The following SCN8A variants were observed in gnomAD, a reference collection of about 807,000 sequenced individuals.
The protein encoded by SCN8A is sodium channel protein type 8 subunit alpha.
Under a neutral mutation model 184.1 loss-of-function variants are expected in SCN8A, and 30 were observed. That is an observed-to-expected ratio of 0.16 (90% CI 0.12 to 0.22). SCN8A has a LOEUF of 0.22. Among genes scored for constraint, SCN8A ranks in the 10% least tolerant of loss-of-function variants. SCN8A has a pLI of 1.00. For synonymous variants in SCN8A, 852 were observed against 907.0 expected (o/e 0.94, Z 1.09); for missense variants, 1,057 against 2,498.9 (o/e 0.42, Z 12.30).
chr12:51,628,540 A>G (rs1371180220), intron 1 of SCN8A, among the ~76,000 whole-genome samples: 2 of 152,160 alleles, frequency 1.3e-5, no homozygotes, highest in Non-Finnish European at 2.9e-5. Context: ...TGGAGGGTGA[A>G]GAGGATTCTT....
chr12:51,637,212 T>C (rs898933112), intron 1 of SCN8A, among the ~76,000 whole-genome samples: 5 of 152,166 alleles, frequency 3.3e-5, no homozygotes, highest in Non-Finnish European at 7.3e-5. Flanking sequence ...CCCCCATCTC[T>C]CTCCCTCTCC....
chr12:51,625,574 T>C (rs2061810736), intron 1 of SCN8A, among the ~76,000 whole-genome samples: 1 of 152,214 alleles, frequency 6.6e-6, no homozygotes, highest in South Asian at 2.1e-4. Flanking sequence ...TATTTAACTT[T>C]ATAGGAAGTT....
At chr12:51,725,937 C>T (rs79831778) in intron 12 of SCN8A, among the ~76,000 whole-genome samples, 2,601 of 152,282 alleles carry the variant, frequency 0.017, 62 homozygotes, top group African/African-American at 0.059. Flanking sequence ...TGTATACTCA[C>T]GCTTCACAGA....
In SCN8A at chr12:51,631,290, T is replaced by C. The variant is rs566706848; in HGVS notation, c.-54-31474T>C. Among the ~76,000 whole-genome samples, 6 of 152,320 alleles carry C rather than the reference T, an allele frequency of 3.9e-5. No individual in the cohort carries two copies. The South Asian group carries it at 1.2e-3, about 32-fold the overall frequency. ...GCAGGTGGTCAAAACCAATGGCTAT[T>C]GACAGGGTCAGGTTGGGGCAGCTTA... On this transcript the variant is annotated intron_variant, in intron 1 of 26. Transcript: ENST00000627620.
intron 1 of SCN8A, among the ~76,000 whole-genome samples, chr12:51,619,763 T>C (rs1939920982): frequency 6.6e-6 from 1 of 152,278 alleles, no homozygotes; most frequent in African/African-American, 2.4e-5. Flanking sequence ...AATGACTAAA[T>C]AGTAAACAAC....
intron 1 of SCN8A, among the ~76,000 whole-genome samples, chr12:51,598,037 A>G (rs1393661122): frequency 1.3e-5 from 2 of 152,226 alleles, no homozygotes; most frequent in Non-Finnish European, 1.5e-5. Flanking sequence ...CACATTTGCT[A>G]CAGATTTCTC....
At chr12:51,678,220 A>T (rs1941259379) in intron 2 of SCN8A, among the ~76,000 whole-genome samples, 1 of 152,160 alleles carries the variant, frequency 6.6e-6, no homozygotes, top group Admixed American at 6.5e-5. Flanking sequence ...AGAACAGGGG[A>T]TAAAAGTAGG....
intron 12 of SCN8A, among the ~76,000 whole-genome samples, chr12:51,736,754 G>A (rs181664391): frequency 6.6e-6 from 1 of 152,310 alleles, no homozygotes; most frequent in Admixed American, 6.5e-5. Context: ...GTATGAAATC[G>A]TAACTGAGAA....
chr12:51,758,432 G>GT (rs1010769950), intron 14 of SCN8A, among the ~76,000 whole-genome samples: 1 of 152,116 alleles, frequency 6.6e-6, no homozygotes, highest in African/African-American at 2.4e-5. Context: ...TGGTTTGTTT[G>GT]TTTGTTTGTT....
At chr12:51,738,649 A>G (rs548473518) in intron 12 of SCN8A, among the ~76,000 whole-genome samples, 13 of 152,324 alleles carry the variant, frequency 8.5e-5, no homozygotes, top group African/African-American at 2.9e-4. Context: ...GAGCTGTGCT[A>G]TGCGCTCTCC....
chr12:51,672,594 C>A (rs1941152685), intron 2 of SCN8A, among the ~76,000 whole-genome samples: 1 of 152,196 alleles, frequency 6.6e-6, no homozygotes, highest in African/African-American at 2.4e-5. Flanking sequence ...GGACTCCTGA[C>A]TCTAGCCTAG....
chr12:51,603,774 G>A (rs1361755670), intron 1 of SCN8A, among the ~76,000 whole-genome samples: 2 of 151,598 alleles, frequency 1.3e-5, no homozygotes. Context: ...GTGTGTAGTG[G>A]TATCTCATTG....
rs568783220 is a variant in SCN8A at position 51,656,538 on chromosome 12, CA to C, written c.-54-6223del. On this transcript the variant is annotated intron_variant, in intron 1 of 26. Coordinates refer to ENST00000627620, the MANE Select transcript of SCN8A (RefSeq NM_001330260.2). ...GAAATATTTGAAATATTATATCTGA[CA>C]AATGACTTCAATGGAGAATACACAA... Among the ~76,000 whole-genome samples the C allele has an allele frequency of 5.9e-5, 9 of 152,222 alleles. No homozygotes were observed. The South Asian group carries it at 1.9e-3, about 32-fold the overall frequency.
At chr12:51,794,714 AG>A in intron 26 of SCN8A, 73 bp downstream of exon 26, 1 of 1,454,300 alleles carries the variant, frequency 6.9e-7, no homozygotes, top group South Asian at 1.3e-5. Context: ...TTCCCAGGAG[AG>A]GAATGAATGA....
intron 20 of SCN8A, among the ~76,000 whole-genome samples, chr12:51,775,181 G>C (rs1026636633): frequency 6.6e-6 from 1 of 152,210 alleles, no homozygotes. Flanking sequence ...TAGGACCAGG[G>C]CCTGTGGAAA....
At chr12:51,688,694 C>A (rs1006922576) in intron 5 of SCN8A, 10 of 1,123,160 alleles carry the variant, frequency 8.9e-6, no homozygotes, top group African/African-American at 1.5e-5. Context: ...ACCCTTTCTT[C>A]CCCCCATTCT....
At chr12:51,649,202 C>T (rs1477357809) in intron 1 of SCN8A, among the ~76,000 whole-genome samples, 2 of 152,214 alleles carry the variant, frequency 1.3e-5, no homozygotes, top group African/African-American at 4.8e-5. Flanking sequence ...TTTTGGGCTG[C>T]TCCACCCTTG....
chr12:51,744,699 C>T (rs1050827506), intron 12 of SCN8A, among the ~76,000 whole-genome samples: 1 of 151,610 alleles, frequency 6.6e-6, no homozygotes, highest in Non-Finnish European at 1.5e-5. Context: ...GCCGCCTCCA[C>T]CACCTGAGTA....
At chr12:51,615,866 T>A (rs777285928) in intron 1 of SCN8A, among the ~76,000 whole-genome samples, 1 of 152,062 alleles carries the variant, frequency 6.6e-6, no homozygotes, top group African/African-American at 2.4e-5. Context: ...TATAGGTGCA[T>A]GTCATCCTTC....
Sources: allele counts gnomAD v4.1 joint callset (sites outside exome capture counted in the v4.1 genomes callset), GRCh38; gene constraint gnomAD v4.1.1; transcripts MANE v1.5; gene names NCBI Gene and HGNC (gene_info 2026-07-23, HGNC 2026-07-21).